CELF4: variants seen among roughly 807,000 people sequenced by gnomAD.
CELF4 encodes CUGBP Elav-like family member 4, also known as CUG-BP- and ETR-3-like factor 4.
In CELF4, 18 loss-of-function variants were observed where a neutral mutation model predicts 59.9. The ratio of observed to expected loss-of-function variants is 0.30; its 90% CI spans 0.21 to 0.45. The LOEUF is 0.45. CELF4 is among the 20% of genes least tolerant of loss of function. CELF4 has a pLI of 1.00. For missense variants in CELF4, 456 were observed against 689.0 expected (o/e 0.66, Z 3.79); for synonymous variants, 261 against 267.1 (o/e 0.98, Z 0.22).
intron 11 of CELF4, among the ~76,000 whole-genome samples, chr18:37,255,007 G>A (rs896713569): frequency 2.6e-5 from 4 of 152,180 alleles, no homozygotes; most frequent in Non-Finnish European, 4.4e-5. Flanking sequence ...CTCCCTCACC[G>A]AGTTGTAGTA....
chr18:37,249,769 C>T (rs939095856), intron 12 of CELF4, among the ~76,000 whole-genome samples: 1 of 152,062 alleles, frequency 6.6e-6, no homozygotes, highest in African/African-American at 2.4e-5. Flanking sequence ...TCCAACTCAC[C>T]GAGCTGGGTG....
intron 3 of CELF4, among the ~76,000 whole-genome samples, chr18:37,283,740 C>T (rs1470271338): frequency 1.3e-5 from 2 of 151,716 alleles, no homozygotes; most frequent in African/African-American, 4.9e-5. Context: ...GAGTGATGAG[C>T]CCTGTAGGTA....
At chr18:37,347,272 C>A (rs1209261244) in intron 2 of CELF4, among the ~76,000 whole-genome samples, 1 of 152,084 alleles carries the variant, frequency 6.6e-6, no homozygotes, top group Non-Finnish European at 1.5e-5. Context: ...TGCCACCCCC[C>A]ACGCCACGCC....
chr18:37,282,915 C>A (rs949225179), intron 3 of CELF4, among the ~76,000 whole-genome samples: 1 of 152,146 alleles, frequency 6.6e-6, no homozygotes, highest in East Asian at 1.9e-4. Flanking sequence ...GGCTGGGAGC[C>A]GCCTCTGAGG....
chr18:37,407,031 G>T (rs959604881), intron 2 of CELF4, among the ~76,000 whole-genome samples: 1 of 152,310 alleles, frequency 6.6e-6, no homozygotes, highest in African/African-American at 2.4e-5. Flanking sequence ...AGGAAAGACA[G>T]CATGGTTTAT....
At chr18:37,553,220 C>T (rs1234352445) in intron 1 of CELF4, among the ~76,000 whole-genome samples, 2 of 151,972 alleles carry the variant, frequency 1.3e-5, no homozygotes, top group East Asian at 3.9e-4. Flanking sequence ...AGAAAATGAG[C>T]CTGAAAATAA....
chr18:37,534,874 A>G (rs1245173676), intron 1 of CELF4, among the ~76,000 whole-genome samples: 3 of 152,152 alleles, frequency 2.0e-5, no homozygotes, highest in Non-Finnish European at 4.4e-5. Flanking sequence ...GGGTGTTTAC[A>G]GAACCCCTTC....
chr18:37,412,734 T>C (rs569670720), intron 2 of CELF4, among the ~76,000 whole-genome samples: 4 of 152,264 alleles, frequency 2.6e-5, no homozygotes, highest in African/African-American at 9.6e-5. Flanking sequence ...TCTGCTCTCT[T>C]AGCTTTGGAA....
In CELF4 at chr18:37,495,986, G is replaced by GT. The variant is rs557561673; in HGVS notation, c.287-10380dup. ...TTCTTAGGACAGACCCTCCCTTTGG[G>GT]TCACACAGCCAAGCCATGCCTCCCT... On this transcript the variant is annotated intron_variant, in intron 1 of 12. Transcript: ENST00000420428. Among the ~76,000 whole-genome samples the GT allele has an allele frequency of 7.9e-5, 12 of 152,164 alleles. No individual in the cohort carries two copies. The South Asian group carries it at 1.9e-3, about 24-fold the overall frequency.
intron 2 of CELF4, among the ~76,000 whole-genome samples, chr18:37,345,290 C>T (rs968967492): frequency 2.6e-5 from 4 of 152,278 alleles, no homozygotes; most frequent in African/African-American, 4.8e-5. Context: ...TTAATTGTTC[C>T]GCAAAAGACC....
At chr18:37,529,001 A>G (rs920725916) in intron 1 of CELF4, 2 of 151,816 alleles carry the variant, frequency 1.3e-5, no homozygotes, top group Admixed American at 6.6e-5. Flanking sequence ...TTATTTTTTT[A>G]CCCCAAATTG....
At chr18:37,398,738 G>C (rs149974624) in intron 2 of CELF4, among the ~76,000 whole-genome samples, 57 of 152,342 alleles carry the variant, frequency 3.7e-4, no homozygotes, top group African/African-American at 1.3e-3. Context: ...GTTCCGGAGA[G>C]TGGTGGAGCT....
At position 37,319,474 on chromosome 18, in the gene CELF4, G is replaced by C. The variant is rs111250916; in HGVS notation, c.448+2329C>G. On this transcript the variant is annotated intron_variant, in intron 3 of 12. Coordinates refer to ENST00000420428, the MANE Select transcript of CELF4 (RefSeq NM_020180.4). Reference sequence around the variant, plus strand: ...CAAGACACCAGCCCAAGCCCTAGTGGGTAGGATCTGAGGTCCGGGTTGGGA... The same window carrying C: ...CAAGACACCAGCCCAAGCCCTAGTGCGTAGGATCTGAGGTCCGGGTTGGGA... 2.8e-3 allele frequency among the ~76,000 whole-genome samples: 424 copies of C among 152,334 alleles called. 3 individuals carry two copies. Among genetic ancestry groups the C allele is most frequent in the African/African-American group, 9.7e-3 (403 of 41,574 alleles).
At chr18:37,487,411 G>A (rs2099883458) in intron 1 of CELF4, among the ~76,000 whole-genome samples, 1 of 152,112 alleles carries the variant, frequency 6.6e-6, no homozygotes, top group Non-Finnish European at 1.5e-5. Flanking sequence ...CCTGCCTCAG[G>A]CTTGGAGAAG....
intron 1 of CELF4, among the ~76,000 whole-genome samples, chr18:37,495,898 T>C (rs1005207732): frequency 6.6e-6 from 1 of 152,046 alleles, no homozygotes; most frequent in African/African-American, 2.4e-5. Flanking sequence ...CTGACTCTTA[T>C]CTCCCATGAA....
chr18:37,247,066 A>G (rs1448822553), intron 12 of CELF4: 2 of 152,190 alleles, frequency 1.3e-5, no homozygotes, highest in Non-Finnish European at 2.9e-5. Context: ...CATCCAAGAA[A>G]AACGCTCCAA....
intron 2 of CELF4, among the ~76,000 whole-genome samples, chr18:37,475,838 C>T (rs993933407): frequency 3.0e-4 from 45 of 152,166 alleles, no homozygotes; most frequent in African/African-American, 1.0e-3. Flanking sequence ...GCTCCCCAAG[C>T]CTTCCTCCTC....
chr18:37,401,924 C>G (rs1258752183), intron 2 of CELF4, among the ~76,000 whole-genome samples: 1 of 152,228 alleles, frequency 6.6e-6, no homozygotes, highest in Non-Finnish European at 1.5e-5. Flanking sequence ...GGGCCAGACC[C>G]CAGGTCTTCC....
chr18:37,562,468 G>A (rs1253416868), intron 1 of CELF4, among the ~76,000 whole-genome samples: 9 of 150,940 alleles, frequency 6.0e-5, no homozygotes, highest in Non-Finnish European at 1.3e-4. Context: ...TGATTCATTA[G>A]AAGTTAGAAA....
Sources: allele counts gnomAD v4.1 joint callset (sites outside exome capture counted in the v4.1 genomes callset), GRCh38; gene constraint gnomAD v4.1.1; transcripts MANE v1.5; gene names NCBI Gene and HGNC (gene_info 2026-07-23, HGNC 2026-07-21).